Variants in CLGN observed in about 807,000 individuals in gnomAD.
CLGN encodes testis tissue sperm-binding protein Li 79P.
CLGN carries 62 observed loss-of-function variants against 79.1 expected under a neutral mutation model. That is an observed-to-expected ratio of 0.78 (90% CI 0.64 to 0.97). The LOEUF is 0.97. CLGN is among the 50% of genes least tolerant of loss of function. The pLI, the probability that CLGN is intolerant of heterozygous loss-of-function variation, is 0.00. For missense variants in CLGN, 647 were observed against 715.5 expected (o/e 0.90, Z 1.09); for synonymous variants, 225 against 224.7 (o/e 1.00, Z -0.01).
intron 5 of CLGN, among the ~76,000 whole-genome samples, chr4:140,405,191 A>ATTTTTTTTTTTTTTTTTTTTTTTTAC (rs35471612): frequency 7.7e-6 from 1 of 129,064 alleles, no homozygotes; most frequent in Admixed American, 7.8e-5. Context: ...TTTTTTTTTT[A>ATTTTTTTTTTTTTTTTTTTTTTTTAC]TTTTTTTTTT....
At chr4:140,396,875 A>ATG (rs1560739890) in intron 8 of CLGN, among the ~76,000 whole-genome samples, 1 of 12,710 alleles carries the variant, frequency 7.9e-5, no homozygotes, top group Non-Finnish European at 3.5e-4. Context: ...ATATATATAC[A>ATG]TATATATATA....
intron 2 of CLGN, among the ~76,000 whole-genome samples, chr4:140,411,276 G>C (rs976115629): frequency 1.3e-5 from 2 of 152,016 alleles, no homozygotes; most frequent in Non-Finnish European, 2.9e-5. Context: ...AACTGGGACA[G>C]ACAAAGTAAC....
At chr4:140,406,281 T>A (rs537709550) in intron 4 of CLGN, among the ~76,000 whole-genome samples, 198 bp from the exon 5 acceptor site, 55 of 152,208 alleles carry the variant, frequency 3.6e-4, no homozygotes, top group Non-Finnish European at 7.6e-4. Flanking sequence ...AATGATTTCA[T>A]CTTCTTAACT....
At chr4:140,397,421 C>T (rs956029167) in intron 8 of CLGN, among the ~76,000 whole-genome samples, 1 of 151,212 alleles carries the variant, frequency 6.6e-6, no homozygotes, top group African/African-American at 2.4e-5. Flanking sequence ...AATAATTTTT[C>T]CTGGTTCTTG....
chr4:140,402,404 GTA>G (rs1218097736), intron 5 of CLGN, among the ~76,000 whole-genome samples: 1 of 151,610 alleles, frequency 6.6e-6, no homozygotes, highest in Non-Finnish European at 1.5e-5. Context: ...TTCTGATAAG[GTA>G]AGCACTATAC....
Position 140,400,364 on chromosome 4 carries a change from A to T in CLGN, c.687T>A (p.Tyr229Ter). 1 of 1,604,484 alleles carries T rather than the reference A, an allele frequency of 6.2e-7. No individual in the cohort carries two copies. Among genetic ancestry groups the T allele is most frequent in the Non-Finnish European group, 8.5e-7 (1 of 1,173,708 alleles). ...KFFTDRKTHL[Y>*]TLVMNPDDTF... is the part of the protein sequence containing the mutation. ...TGAATTAAAAGGGTATACCAAGGGT[A>T]TAAAGATGAGTCTTCCTGTCTGTAA... The change falls in exon 7 of 15, where the codon TAT becomes TAA. Residue 229 changes from tyrosine (Y) to a stop codon, truncating the protein, a stop_gained. Transcript: ENST00000325617. LOFTEE classifies it high-confidence loss of function.
At chr4:140,422,806 T>C (rs1729495774) in intron 1 of CLGN, among the ~76,000 whole-genome samples, 1 of 152,048 alleles carries the variant, frequency 6.6e-6, no homozygotes, top group South Asian at 2.1e-4. Flanking sequence ...TCTGTAGAGA[T>C]GGTTTTTGCC....
intron 8 of CLGN, 31 bp downstream of exon 8, chr4:140,398,820 A>G (rs534173208): frequency 5.0e-6 from 8 of 1,590,110 alleles, no homozygotes; most frequent in Non-Finnish European, 6.9e-6. Flanking sequence ...GTTATGCCAG[A>G]TAATGCTTTG....
chr4:140,414,609 G>A (rs1294040846), intron 1 of CLGN, among the ~76,000 whole-genome samples: 31 of 142,804 alleles, frequency 2.2e-4, no homozygotes, highest in South Asian at 6.9e-4. Context: ...AGCGATGGAA[G>A]ATGAAATGAA....
In CLGN at chr4:140,392,641, G is replaced by A. The variant is rs145296380; in HGVS notation, c.1436C>T (p.Thr479Ile). ...AATTAATGCTATTGGCACTCCTGCT[G>A]TCACAAGATAAATCAACCAAAGCCA... ...HPWLWLIYLV[T>I]AGVPIALITS... Residue 479 changes from threonine (T) to isoleucine (I), a missense_variant, in exon 12 of 15, where the codon ACA becomes ATA. Thr to Ile is a moderately conservative substitution (Grantham distance 89). Transcript: ENST00000325617. 6.2e-7 allele frequency: 1 copy of A among 1,611,098 alleles called. No homozygotes were observed. The highest frequency in any genetic ancestry group is 8.5e-7 in the Non-Finnish European group (1 of 1,178,810).
At chr4:140,399,123 T>C in intron 7 of CLGN, 83 bp from the exon 8 acceptor site, 1 of 1,151,966 alleles carries the variant, frequency 8.7e-7, no homozygotes, top group Non-Finnish European at 1.2e-6. Flanking sequence ...TAACTACCCT[T>C]AACTCCATGG....
At chr4:140,412,044 T>C (rs979369642) in intron 2 of CLGN, among the ~76,000 whole-genome samples, 4 of 152,142 alleles carry the variant, frequency 2.6e-5, no homozygotes, top group African/African-American at 9.6e-5. Context: ...GACCCTGTAG[T>C]AACTGTATCC....
At chr4:140,412,597 A>G (rs1040207430) in intron 2 of CLGN, among the ~76,000 whole-genome samples, 1 of 152,164 alleles carries the variant, frequency 6.6e-6, no homozygotes, top group African/African-American at 2.4e-5. Flanking sequence ...CAAATTATAT[A>G]GCCTTTTATT....
At chr4:140,410,377 CA>C (rs1351709071) in intron 3 of CLGN, among the ~76,000 whole-genome samples, 175 bp downstream of exon 3, 1 of 151,834 alleles carries the variant, frequency 6.6e-6, no homozygotes, top group Non-Finnish European at 1.5e-5. Context: ...AATAACTATT[CA>C]AATTAAACAT....
rs1464130261 is a variant in CLGN at position 140,405,758 on chromosome 4, T to A, written c.419+184A>T. On this transcript the variant is annotated intron_variant, in intron 5 of 14. Coordinates refer to ENST00000325617, the MANE Select transcript of CLGN (RefSeq NM_004362.3). ...GGTTGATCTTTGTATAATTTTATCA[T>A]TTACCTGCTTTTTATTGAAAGCATG... Among the ~76,000 whole-genome samples, 6 of 152,314 alleles carry A rather than the reference T, an allele frequency of 3.9e-5. No homozygotes were observed. In the East Asian group the frequency reaches 1.2e-3, roughly 29 times the overall value.
chr4:140,406,164 A>C, intron 4 of CLGN, 81 bp from the exon 5 acceptor site: 1 of 1,376,128 alleles, frequency 7.3e-7, no homozygotes, highest in Non-Finnish European at 9.9e-7. Context: ...GTGAACAATA[A>C]TTTTTATCCA....
intron 1 of CLGN, among the ~76,000 whole-genome samples, chr4:140,425,429 GGTGTGTGT>G (rs754897067): frequency 8.9e-4 from 104 of 116,948 alleles, no homozygotes; most frequent in Middle Eastern, 4.2e-3. Context: ...GAATCAATAG[GGTGTGTGT>G]GTGTGTGTGT....
intron 14 of CLGN, 59 bp from the exon 15 acceptor site, chr4:140,389,363 A>G (rs933843744): frequency 2.6e-6 from 3 of 1,165,670 alleles, no homozygotes; most frequent in African/African-American, 1.5e-5. Context: ...AGTAGATAGT[A>G]GTAAACAATA....
intron 2 of CLGN, among the ~76,000 whole-genome samples, chr4:140,410,921 T>C (rs1489297831): frequency 1.3e-5 from 2 of 152,026 alleles, no homozygotes; most frequent in African/African-American, 4.8e-5. Flanking sequence ...GATAAAACTC[T>C]TTGGGAGCAA....
Sources: gnomAD v4.1 joint callset for allele counts (sites outside exome capture counted in the v4.1 genomes callset) on GRCh38, gnomAD v4.1.1 for gene constraint, MANE v1.5 for transcripts, NCBI Gene and HGNC (gene_info 2026-07-23, HGNC 2026-07-21) for gene names.